The following QRICH2 variants were observed in gnomAD, a reference collection of about 807,000 sequenced individuals.
QRICH2 encodes the protein glutamine-rich protein 2.
QRICH2 carries 119 observed loss-of-function variants against 168.3 expected under a neutral mutation model. The ratio of observed to expected loss-of-function variants is 0.71; its 90% CI spans 0.61 to 0.82. The LOEUF (loss-of-function observed/expected upper bound fraction) is 0.82. Ranked by LOEUF, QRICH2 falls within the 40% of genes least tolerant of loss-of-function variation. QRICH2 has a pLI of 0.00. For synonymous variants in QRICH2, 894 were observed against 951.2 expected, an observed-to-expected ratio of 0.94 and a Z score of 1.11; for missense variants, 2,241 against 2,491.6, an observed-to-expected ratio of 0.90 and a Z score of 2.14.
chr17:76,289,091 G>A (rs1372261972), intron 5 of QRICH2, among the ~76,000 whole-genome samples: 4 of 146,010 alleles, frequency 2.7e-5, no homozygotes, highest in Non-Finnish European at 4.5e-5. Context: ...GCGACAGAGT[G>A]AGACTGTGTC....
intron 1 of QRICH2, among the ~76,000 whole-genome samples, chr17:76,306,558 T>C (rs1459272779): frequency 1.3e-5 from 2 of 152,162 alleles, no homozygotes; most frequent in Non-Finnish European, 2.9e-5. Flanking sequence ...TTATACTCAA[T>C]GATTACATGC....
At chr17:76,275,990 T>A in intron 17 of QRICH2, 43 bp from the exon 18 acceptor site, 1 of 1,593,304 alleles carries the variant, frequency 6.3e-7, no homozygotes. Flanking sequence ...GAGGCAGCGG[T>A]GAGAGCTCTG....
intron 3 of QRICH2, among the ~76,000 whole-genome samples, chr17:76,296,328 T>G (rs544076437): frequency 6.6e-6 from 1 of 152,174 alleles, no homozygotes; most frequent in African/African-American, 2.4e-5. Flanking sequence ...AAAGGAAAAC[T>G]GGGAAGCCTG....
At position 76,308,225 on chromosome 17, in the gene QRICH2, G is replaced by C; in HGVS notation, c.-227C>G. 1.0e-6 allele frequency: 1 copy of C among 985,404 alleles called. No individual in the cohort carries two copies. Among genetic ancestry groups the C allele is most frequent in the African/African-American group, 1.7e-5 (1 of 57,358 alleles). 61.0% of individuals were successfully genotyped at this position (985,404 alleles called of 1,614,324 possible). ...CCCTCCGCTGTCTGTCGCTGGCCTC[G>C]GGTCCCCGAGCTGGAGCCCTGGACT... On this transcript the variant is annotated 5_prime_UTR_variant, in exon 1 of 19. Transcript: ENST00000680821.
At position 76,292,009 on chromosome 17, in the gene QRICH2, T is replaced by A; in HGVS notation, c.2718A>T (p.Ala906=). The change falls in exon 4 of 19, where the codon GCA becomes GCT. Residue 906 remains alanine, a synonymous_variant. Transcript: ENST00000680821. ...CAGGCTGCACCATACCCAGCTGACC[T>A]GCACCAGGCTGGACCAAACCAGGCT... ...ADQPGLVQPG[A]GQLGMVQPGI... The A allele has an allele frequency of 6.2e-7, 1 of 1,614,230 alleles. No homozygotes were observed. The highest frequency in any genetic ancestry group is 8.5e-7 in the Non-Finnish European group (1 of 1,180,040).
In QRICH2 at chr17:76,293,038, A is replaced by G; in HGVS notation, c.1689T>C (p.Pro563=). Reference sequence around the variant, plus strand: ...GGATCAAATCATGCTGCTCTGTGCCAGGTTGTATGAAGCCAGTTGCTTCCA... The same window carrying G: ...GGATCAAATCATGCTGCTCTGTGCCGGGTTGTATGAAGCCAGTTGCTTCCA... ...PSLEATGFIQ[P]GTEQHDLIQS... Residue 563 remains proline, a synonymous_variant, in exon 4 of 19, where the codon CCT becomes CCC. Transcript: ENST00000680821. 1 of 1,614,258 alleles carries G rather than the reference A, an allele frequency of 6.2e-7. No individual in the cohort carries two copies. The highest frequency in any genetic ancestry group is 8.5e-7 in the Non-Finnish European group (1 of 1,180,048).
intron 3 of QRICH2, chr17:76,301,437 A>G: frequency 4.0e-6 from 1 of 251,050 alleles, no homozygotes; most frequent in Non-Finnish European, 8.2e-6. Context: ...GTATGGTGGT[A>G]CGCACCTGTG....
At position 76,291,184 on chromosome 17, in the gene QRICH2, A is replaced by T; in HGVS notation, c.3543T>A (p.Asn1181Lys). 1 of 1,614,200 alleles carries T rather than the reference A, an allele frequency of 6.2e-7. No homozygotes were observed. The highest frequency in any genetic ancestry group is 1.3e-5 in the African/African-American group (1 of 75,056). The part of the protein sequence containing the change: ...VSSEVLSERR[N>K]SLRRMSSSFP... ...AACTAGAACTCATTCTACGCAGTGA[A>T]TTGCGTCGCTCACTCAGGACTTCAC... Residue 1181 changes from asparagine (N) to lysine (K), a missense_variant, in exon 4 of 19, where the codon AAT (asparagine) becomes AAA (lysine). This residue lies in a region of QRICH2 where 2,047 missense variants were observed against 2,303.8 expected (regional missense o/e 0.89). Transcript: ENST00000680821.
chr17:76,295,069 A>AAAAC (rs59054783), intron 3 of QRICH2, among the ~76,000 whole-genome samples: 2,681 of 140,474 alleles, frequency 0.019, 65 homozygotes, highest in African/African-American at 0.061. Context: ...GTCTCTACTA[A>AAAAC]AAACAAATAA....
At position 76,281,278 on chromosome 17, in the gene QRICH2, C is replaced by T. The variant is rs566578370; in HGVS notation, c.4264-325G>A. 6.6e-6 allele frequency among the ~76,000 whole-genome samples: 1 copy of T among 152,306 alleles called. No individual in the cohort carries two copies. The highest frequency in any genetic ancestry group is 2.1e-4 in the South Asian group (1 of 4,832). The stretch of plus-strand genomic sequence containing the variant: ...CCCACAGGACACAAGCGTCAGTCAC[C>T]TACATCCCCATGGACTAGCCTTGTG... On this transcript the variant is annotated intron_variant, in intron 8 of 18. Transcript: ENST00000680821. This position sits in a 1 kb window ranked among gnomAD's most constrained non-coding sequence, Gnocchi z 4.4.
chr17:76,307,081 C>A lies in QRICH2; in HGVS notation c.534+384G>T, dbSNP rs1433665453. Among the ~76,000 whole-genome samples the A allele has an allele frequency of 2.6e-5, 4 of 152,096 alleles. No individual in the cohort carries two copies. The East Asian group carries it at 7.7e-4, about 29-fold the overall frequency. ...AAGAATCTTCTGAGAAGTTGCCGGC[C>A]CCACTCTGAGCCAGCTCTGGGTCCT... On this transcript the variant is annotated intron_variant, in intron 1 of 18. Transcript: ENST00000680821. This position sits in a 1 kb window ranked among gnomAD's most constrained non-coding sequence, Gnocchi z 5.3.
intron 12 of QRICH2, 23 bp from the exon 13 acceptor site, chr17:76,279,451 G>A (rs753964121): frequency 3.5e-5 from 56 of 1,592,706 alleles, no homozygotes; most frequent in African/African-American, 1.2e-4. Flanking sequence ...GGACGCACAC[G>A]CAGGGTGAGT....
At chr17:76,274,650 G>A (rs889453032) in intron 18 of QRICH2, among the ~76,000 whole-genome samples, 5 of 152,166 alleles carry the variant, frequency 3.3e-5, no homozygotes, top group African/African-American at 1.2e-4. Context: ...GTAGACACTG[G>A]GAGAAGGGAG....
intron 15 of QRICH2, 45 bp downstream of exon 15, chr17:76,277,944 G>C (rs1287014024): frequency 1.9e-6 from 3 of 1,592,116 alleles, no homozygotes; most frequent in Non-Finnish European, 2.6e-6. Context: ...GCCAAGCCTG[G>C]TCACTGGGTG....
chr17:76,300,299 A>T (rs2143373147), intron 3 of QRICH2, among the ~76,000 whole-genome samples: 1 of 152,258 alleles, frequency 6.6e-6, no homozygotes, highest in Non-Finnish European at 1.5e-5. Context: ...TACTGCTCAT[A>T]ATTATGAACA....
intron 5 of QRICH2, among the ~76,000 whole-genome samples, chr17:76,289,021 G>A (rs1454863992): frequency 1.2e-4 from 18 of 150,668 alleles, no homozygotes; most frequent in Non-Finnish European, 1.9e-4. Flanking sequence ...GGAAAATGGC[G>A]TGAACCTGGG....
intron 6 of QRICH2, 131 bp downstream of exon 6, chr17:76,287,669 A>G: frequency 1.4e-6 from 1 of 713,436 alleles, no homozygotes; most frequent in Non-Finnish European, 2.5e-6. Context: ...GACAATGTGA[A>G]GAGCAGACAC....
At chr17:76,290,152 G>A in intron 4 of QRICH2, 75 bp from the exon 5 acceptor site, 2 of 1,088,818 alleles carry the variant, frequency 1.8e-6, no homozygotes, top group Non-Finnish European at 2.8e-6. Flanking sequence ...TCCAGCCCCT[G>A]TAACACTGAA....
chr17:76,307,451 G>A lies in QRICH2; in HGVS notation c.534+14C>T, dbSNP rs766456048. 5 of 1,613,436 alleles carry A rather than the reference G, an allele frequency of 3.1e-6. No homozygotes were observed. Among genetic ancestry groups the A allele is most frequent in the South Asian group, 2.2e-5 (2 of 91,076 alleles). ...AGGCAGACGGCCTGCGCGTGCCTCC[G>A]TGTGCGTGCTCACCCTGGCAAAGCT... On this transcript the variant is annotated intron_variant, in intron 1 of 18. Coordinates refer to ENST00000680821, the MANE Select transcript of QRICH2 (RefSeq NM_001388453.1). This position sits in a 1 kb window ranked among gnomAD's most constrained non-coding sequence, Gnocchi z 5.3.
Sources: allele counts gnomAD v4.1 joint callset (sites outside exome capture counted in the v4.1 genomes callset), GRCh38; gene constraint gnomAD v4.1.1; regional missense constraint gnomAD v4.1.1; non-coding constraint Gnocchi (gnomAD v3.1); transcripts MANE v1.5; gene names NCBI Gene and HGNC (gene_info 2026-07-23, HGNC 2026-07-21).